The following ANK2 variants were observed in gnomAD, a reference collection of about 807,000 sequenced individuals.
The protein encoded by ANK2 is ankyrin 2.
Under a neutral mutation model 360.5 loss-of-function variants are expected in ANK2, and 83 were observed. That is an observed-to-expected ratio of 0.23 (90% CI 0.19 to 0.28). The LOEUF (loss-of-function observed/expected upper bound fraction) is 0.28. Among genes scored for constraint, ANK2 ranks in the 10% least tolerant of loss-of-function variants. The probability of loss-of-function intolerance (pLI) is 1.00; values close to 1 mark genes in which losing one functional copy is unlikely to be tolerated. For missense variants in ANK2, 4,201 were observed against 4,795.7 expected (o/e 0.88, Z 3.66); for synonymous variants, 1,740 against 1,759.5 (o/e 0.99, Z 0.28).
At chr4:113,320,420 G>A (rs960568906) in intron 26 of ANK2, among the ~76,000 whole-genome samples, 8 of 152,170 alleles carry the variant, frequency 5.3e-5, no homozygotes, top group African/African-American at 1.9e-4. Context: ...CTGGGAGGAC[G>A]AGGTGGACGG....
chr4:113,022,941 A>G (rs2058487009), intron 2 of ANK2, among the ~76,000 whole-genome samples: 1 of 152,056 alleles, frequency 6.6e-6, no homozygotes, highest in Non-Finnish European at 1.5e-5. Flanking sequence ...TTTTTTTTAA[A>G]TTGCACACAC....
At chr4:112,787,955 A>T in the ANK2 span, 2 of 623,492 alleles carry the variant, frequency 3.2e-6, no homozygotes, top group South Asian at 3.8e-5. Context: ...TATGATCATT[A>T]TATGATCATT....
At chr4:112,804,265 G>A in the ANK2 span, among the ~76,000 whole-genome samples, 9 of 151,968 alleles carry the variant, frequency 5.9e-5, no homozygotes, top group Non-Finnish European at 1.0e-4. Flanking sequence ...TGTGATCTGC[G>A]CACCTCGGCC....
intron 2 of ANK2, among the ~76,000 whole-genome samples, chr4:113,191,498 A>G (rs2153362556): frequency 6.6e-6 from 1 of 152,362 alleles, no homozygotes; most frequent in Admixed American, 6.5e-5. Context: ...AATACTTAAA[A>G]AAATACATCA....
chr4:112,999,671 A>G (rs79542152), intron 2 of ANK2, among the ~76,000 whole-genome samples: 60 of 150,610 alleles, frequency 4.0e-4, no homozygotes, highest in Admixed American at 7.9e-4. Context: ...AAAAAAAAAA[A>G]GCAACAAAAA....
chr4:113,159,191 CCACACACACACACACACACA>C (rs57967546), intron 1 of ANK2, among the ~76,000 whole-genome samples: 1 of 141,940 alleles, frequency 7.0e-6, no homozygotes, highest in African/African-American at 2.7e-5. Flanking sequence ...CTCTTTCCTT[CCACACACACACACACACACA>C]CACACACACA....
intron 1 of ANK2, among the ~76,000 whole-genome samples, chr4:112,867,045 C>T (rs186647643): frequency 1.8e-4 from 27 of 152,096 alleles, no homozygotes; most frequent in Admixed American, 5.9e-4. Flanking sequence ...TTCTTGAATA[C>T]ACTTTAAAAG....
At chr4:113,010,742 A>G (rs1163514457) in intron 2 of ANK2, among the ~76,000 whole-genome samples, 1 of 152,140 alleles carries the variant, frequency 6.6e-6, no homozygotes, top group Non-Finnish European at 1.5e-5. Flanking sequence ...TATTTTAGGT[A>G]GAGAATGCCA....
chr4:112,766,235 G>A, the ANK2 span, among the ~76,000 whole-genome samples: 3 of 151,916 alleles, frequency 2.0e-5, no homozygotes, highest in Admixed American at 6.6e-5. Flanking sequence ...GGGAGGCTGA[G>A]GCTTGAACCT....
At chr4:113,150,516 A>T (rs879225073) in intron 1 of ANK2, among the ~76,000 whole-genome samples, 2 of 152,198 alleles carry the variant, frequency 1.3e-5, no homozygotes, top group Non-Finnish European at 2.9e-5. Flanking sequence ...TTCAGTAAGC[A>T]TGTATTCAGC....
chr4:113,046,387 A>G (rs1458788028), upstream of ANK2, among the ~76,000 whole-genome samples: 1 of 152,118 alleles, frequency 6.6e-6, no homozygotes, highest in Non-Finnish European at 1.5e-5. Context: ...TATGGCTTGA[A>G]TATTTGTGTC....
intron 1 of ANK2, chr4:113,151,353 G>A (rs2097075203): frequency 3.1e-6 from 1 of 319,746 alleles, no homozygotes. Flanking sequence ...AAGAAGCATT[G>A]CACCAGCATC....
intron 1 of ANK2, among the ~76,000 whole-genome samples, chr4:113,105,532 A>G (rs749332118): frequency 6.6e-6 from 1 of 152,170 alleles, no homozygotes; most frequent in Non-Finnish European, 1.5e-5. Flanking sequence ...CCAAAAATTG[A>G]TCCAAGATTA....
At chr4:112,912,864 A>G (rs1391931599) in intron 2 of ANK2, among the ~76,000 whole-genome samples, 1 of 152,066 alleles carries the variant, frequency 6.6e-6, no homozygotes, top group Non-Finnish European at 1.5e-5. Flanking sequence ...AAATAAATAA[A>G]TAAATATTAA....
At chr4:112,889,840 A>G (rs185643816) in intron 1 of ANK2, among the ~76,000 whole-genome samples, 45 of 152,346 alleles carry the variant, frequency 3.0e-4, no homozygotes, top group Non-Finnish European at 6.0e-4. Context: ...AAACACAATT[A>G]CCACATAATG....
chr4:113,313,647 C>T (rs1165576672), intron 24 of ANK2: 1 of 152,240 alleles, frequency 6.6e-6, no homozygotes, highest in Non-Finnish European at 1.5e-5. Flanking sequence ...CCATTTTTTC[C>T]TTTGCATTAT....
At chr4:112,748,451 G>A in the ANK2 span, among the ~76,000 whole-genome samples, 1 of 152,140 alleles carries the variant, frequency 6.6e-6, no homozygotes, top group Non-Finnish European at 1.5e-5. Context: ...GAGTGACCTG[G>A]TGTCCTTAAT....
chr4:113,040,046 C>A (rs893710440), intron 2 of ANK2, among the ~76,000 whole-genome samples: 1 of 151,918 alleles, frequency 6.6e-6, no homozygotes, highest in African/African-American at 2.4e-5. Context: ...ATATGTCTTT[C>A]AAGGACACGA....
At chr4:112,748,580 GCA>G in the ANK2 span, among the ~76,000 whole-genome samples, 1 of 152,118 alleles carries the variant, frequency 6.6e-6, no homozygotes, top group Non-Finnish European at 1.5e-5. Flanking sequence ...TGCACAGACA[GCA>G]CATTCCTGTT....
Sources: gnomAD v4.1 joint callset for allele counts (sites outside exome capture counted in the v4.1 genomes callset) on GRCh38, gnomAD v4.1.1 for gene constraint, MANE v1.5 for transcripts, NCBI Gene and HGNC (gene_info 2026-07-23, HGNC 2026-07-21) for gene names.